Variants in FAM135B observed in about 807,000 individuals in gnomAD.
FAM135B encodes the protein family with sequence similarity 135 member B.
A neutral mutation model predicts 127.7 loss-of-function variants in FAM135B; 43 were observed. The observed-to-expected ratio is 0.34, with a 90% CI of 0.26 to 0.43. The LOEUF is 0.43. Among genes scored for constraint, FAM135B ranks in the 20% least tolerant of loss-of-function variants. The pLI is 1.00. For missense variants in FAM135B, 1,558 were observed against 1,725.6 expected (o/e 0.90, Z 1.72); for synonymous variants, 670 against 665.1 (o/e 1.01, Z -0.11).
intron 5 of FAM135B, among the ~76,000 whole-genome samples, chr8:138,253,216 TAAA>T (rs913916304): frequency 1.3e-5 from 2 of 152,096 alleles, no homozygotes; most frequent in Non-Finnish European, 2.9e-5. Context: ...TTCCTTGAAA[TAAA>T]GAAGAATTTC....
At position 138,248,831 on chromosome 8, in the gene FAM135B, A is replaced by AAAAAAC. The variant is rs1554644165; in HGVS notation, c.542+2004_542+2009dup. 3.3e-5 allele frequency among the ~76,000 whole-genome samples: 5 copies of AAAAAAC among 151,884 alleles called. No individual in the cohort carries two copies. The East Asian group carries it at 7.7e-4, about 24-fold the overall frequency. Reference sequence around the variant, plus strand: ...AGAGTGAGACGCTGTCTCAAAAAAAAAAAAACAATAAAAGTAAAATAAAAT... The same window carrying AAAAAAC: ...AGAGTGAGACGCTGTCTCAAAAAAAAAAAAACAAAAACAATAAAAGTAAAATAAAAT... On this transcript the variant is annotated intron_variant, in intron 6 of 19. Transcript: ENST00000395297.
At chr8:138,316,081 A>G (rs1827064026) in intron 2 of FAM135B, among the ~76,000 whole-genome samples, 1 of 152,230 alleles carries the variant, frequency 6.6e-6, no homozygotes. Context: ...TAGATGTGCT[A>G]CTCTGCTCAC....
intron 1 of FAM135B, among the ~76,000 whole-genome samples, chr8:138,369,268 G>T (rs1023691262): frequency 2.0e-5 from 3 of 152,130 alleles, no homozygotes; most frequent in Non-Finnish European, 4.4e-5. Flanking sequence ...GGAACACATG[G>T]CTCTGTCACC....
intron 1 of FAM135B, among the ~76,000 whole-genome samples, chr8:138,473,819 C>G (rs1327986241): frequency 6.7e-6 from 1 of 149,850 alleles, no homozygotes; most frequent in Non-Finnish European, 1.5e-5. Context: ...TTTATCCACT[C>G]ATATGAGAGA....
At chr8:138,379,019 G>A (rs199975750) in intron 1 of FAM135B, among the ~76,000 whole-genome samples, 1 of 152,160 alleles carries the variant, frequency 6.6e-6, no homozygotes, top group Admixed American at 6.5e-5. Flanking sequence ...TTCTGCCAGT[G>A]CTGGAAGCTC....
chr8:138,234,251 T>C lies in FAM135B; in HGVS notation c.669+8691A>G, dbSNP rs544251207. On this transcript the variant is annotated intron_variant, in intron 7 of 19. Transcript: ENST00000395297. ...AAAGAACATGGAGAAATTTGAATCA[T>C]TGTACAACATTGATAGAAATGTAGA... 3.9e-5 allele frequency among the ~76,000 whole-genome samples: 6 copies of C among 152,340 alleles called. No individual in the cohort carries two copies. In the South Asian group the frequency reaches 1.2e-3, roughly 32 times the overall value.
chr8:138,477,478 T>C (rs1272835299), intron 1 of FAM135B: 1 of 152,176 alleles, frequency 6.6e-6, no homozygotes, highest in African/African-American at 2.4e-5. Flanking sequence ...TCATCATCTG[T>C]TTGTTTATCT....
chr8:138,295,860 A>G lies in FAM135B; in HGVS notation c.157+14981T>C, dbSNP rs114277169. On this transcript the variant is annotated intron_variant, in intron 3 of 19. Coordinates refer to ENST00000395297, the MANE Select transcript of FAM135B (RefSeq NM_015912.4). The stretch of plus-strand genomic sequence containing the variant: ...GTGGGAGTGGAAAATTGAGCTGCAG[A>G]ATTTGATGATCTGGTAGGAAATAAA... 3.7e-3 allele frequency among the ~76,000 whole-genome samples: 557 copies of G among 152,298 alleles called. 4 individuals carry two copies. Among genetic ancestry groups the G allele is most frequent in the African/African-American group, 0.013 (527 of 41,568 alleles).
At chr8:138,371,009 T>G (rs75720525) in intron 1 of FAM135B, among the ~76,000 whole-genome samples, 4,870 of 152,158 alleles carry the variant, frequency 0.032, 156 homozygotes, top group East Asian at 0.17. Context: ...CACAGGTGAG[T>G]TTCAGGGATC....
intron 1 of FAM135B, among the ~76,000 whole-genome samples, chr8:138,372,364 A>G (rs1342335633): frequency 6.6e-6 from 1 of 152,124 alleles, no homozygotes; most frequent in Non-Finnish European, 1.5e-5. Flanking sequence ...ATGCCTAGAG[A>G]AGAGGATGGA....
chr8:138,381,753 G>A (rs763186685), intron 1 of FAM135B, among the ~76,000 whole-genome samples: 4 of 152,128 alleles, frequency 2.6e-5, no homozygotes, highest in Admixed American at 2.6e-4. Flanking sequence ...AATTATACCC[G>A]TCTTATTTTG....
At chr8:138,395,952 A>G (rs1198906289) in intron 1 of FAM135B, among the ~76,000 whole-genome samples, 1 of 152,200 alleles carries the variant, frequency 6.6e-6, no homozygotes, top group African/African-American at 2.4e-5. Flanking sequence ...TGGATGAATT[A>G]CTCGGCTGCT....
At chr8:138,150,666 C>CAAAAAATAAATAAATA (rs386361029) in intron 13 of FAM135B, among the ~76,000 whole-genome samples, 20 of 44,806 alleles carry the variant, frequency 4.5e-4, no homozygotes, top group East Asian at 1.5e-3. Context: ...GACTCTGTCT[C>CAAAAAATAAATAAATA]AATAAATAAA....
chr8:138,180,203 G>C (rs896625755), intron 9 of FAM135B, among the ~76,000 whole-genome samples: 1 of 152,180 alleles, frequency 6.6e-6, no homozygotes, highest in African/African-American at 2.4e-5. Context: ...GCCAAAGCCT[G>C]TCACTGACCT....
chr8:138,394,611 G>C (rs1832761761), intron 1 of FAM135B, among the ~76,000 whole-genome samples: 1 of 152,178 alleles, frequency 6.6e-6, no homozygotes, highest in Non-Finnish European at 1.5e-5. Flanking sequence ...ACTGAGGCAG[G>C]TGACCTTGGT....
At chr8:138,367,382 C>G in intron 2 of FAM135B, 1 of 456,164 alleles carries the variant, frequency 2.2e-6, no homozygotes, top group South Asian at 1.5e-5. Context: ...ATATCACCTG[C>G]ACGTGAAATG....
At chr8:138,146,118 A>G in intron 14 of FAM135B, 68 bp from the exon 15 acceptor site, 1 of 773,592 alleles carries the variant, frequency 1.3e-6, no homozygotes, top group South Asian at 1.7e-5. Context: ...CACACGAGGA[A>G]TTTCTTTCTC....
chr8:138,228,051 A>G (rs993324894), intron 7 of FAM135B, among the ~76,000 whole-genome samples: 1 of 152,146 alleles, frequency 6.6e-6, no homozygotes, highest in Non-Finnish European at 1.5e-5. Flanking sequence ...TTTCTGAGCC[A>G]TGCATGTGAC....
At chr8:138,360,297 G>C (rs1277246651) in intron 2 of FAM135B, among the ~76,000 whole-genome samples, 5 of 152,166 alleles carry the variant, frequency 3.3e-5, no homozygotes, top group Non-Finnish European at 7.3e-5. Context: ...ATGAGTTATG[G>C]ATATACTGAT....
Sources: allele counts gnomAD v4.1 joint callset (sites outside exome capture counted in the v4.1 genomes callset), GRCh38; gene constraint gnomAD v4.1.1; transcripts MANE v1.5; gene names NCBI Gene and HGNC (gene_info 2026-07-23, HGNC 2026-07-21).